UBE3A: variants seen among roughly 807,000 people sequenced by gnomAD.
UBE3A encodes ubiquitin protein ligase E3A.
In UBE3A, 6 loss-of-function variants were observed where a neutral mutation model predicts 83.4. The observed-to-expected ratio is 0.07, with a 90% CI of 0.04 to 0.14. The LOEUF is 0.14. Among genes scored for constraint, UBE3A ranks in the 10% least tolerant of loss-of-function variants. The pLI is 1.00. For missense variants in UBE3A, 456 were observed against 1,036.1 expected, an observed-to-expected ratio of 0.44 and a Z score of 7.69; for synonymous variants, 337 against 355.4, an observed-to-expected ratio of 0.95 and a Z score of 0.58.
intron 1 of UBE3A, among the ~76,000 whole-genome samples, chr15:25,428,232 C>T (rs1891991729): frequency 6.6e-6 from 1 of 152,040 alleles, no homozygotes; most frequent in South Asian, 2.1e-4. Flanking sequence ...AACCTCAATA[C>T]AAAATTTTAA....
intron 4 of UBE3A, among the ~76,000 whole-genome samples, chr15:25,378,128 C>T (rs1050186565): frequency 8.5e-5 from 13 of 152,178 alleles, no homozygotes; most frequent in African/African-American, 3.1e-4. Flanking sequence ...CCGAGATTTA[C>T]TAAATTGTCT....
At chr15:25,356,631 A>G (rs1363117479) in intron 8 of UBE3A, 60 bp downstream of exon 8, 1 of 1,512,472 alleles carries the variant, frequency 6.6e-7, no homozygotes, top group East Asian at 2.3e-5. Context: ...GACATAAATT[A>G]AATTTTTGCA....
Position 25,371,512 on chromosome 15 carries a change from A to C in UBE3A, c.662T>G (p.Leu221Trp). 15 of 1,614,112 alleles carry C rather than the reference A, an allele frequency of 9.3e-6. No individual in the cohort carries two copies. The highest frequency in any genetic ancestry group is 9.3e-6 in the Non-Finnish European group (11 of 1,180,016). Reference protein sequence around the residue: ...IGDSSQGDNNLQKLGPDDVSV... With the variant: ...IGDSSQGDNNWQKLGPDDVSV... Reference sequence around the variant, plus strand: ...CACATCATCAGGGCCTAATTTTTGCAAATTGTTGTCTCCCTGTGAGCTATC... The same window carrying C: ...CACATCATCAGGGCCTAATTTTTGCCAATTGTTGTCTCCCTGTGAGCTATC... The change falls in exon 6 of 13, where the codon TTG becomes TGG. Residue 221 changes from leucine (L) to tryptophan (W), a missense_variant. Leu to Trp is a moderately conservative substitution (Grantham distance 61). Coordinates refer to ENST00000648336, the MANE Select transcript of UBE3A (RefSeq NM_130839.5). The surrounding 1 kb of genome is among the most constrained non-coding windows in gnomAD (Gnocchi z 5.3).
intron 4 of UBE3A, among the ~76,000 whole-genome samples, chr15:25,400,977 ATACTT>A (rs1681059839): frequency 6.6e-6 from 1 of 152,200 alleles, no homozygotes; most frequent in South Asian, 2.1e-4. Flanking sequence ...CATTCCTTCT[ATACTT>A]AATTTTTTAA....
chr15:25,437,166 T>C (rs1435310761), intron 1 of UBE3A, among the ~76,000 whole-genome samples: 1 of 152,218 alleles, frequency 6.6e-6, no homozygotes, highest in Non-Finnish European at 1.5e-5. Flanking sequence ...TAATAATGTA[T>C]TCATTTCACT....
intron 1 of UBE3A, 125 bp from the exon 2 acceptor site, chr15:25,412,096 C>T (rs1386642067): frequency 1.3e-5 from 2 of 152,210 alleles, no homozygotes; most frequent in African/African-American, 2.4e-5. Flanking sequence ...CATCCAAAAA[C>T]GTATCAAGAA....
At chr15:25,368,925 G>C (rs910534969) in intron 6 of UBE3A, among the ~76,000 whole-genome samples, 1 of 152,130 alleles carries the variant, frequency 6.6e-6, no homozygotes, top group African/African-American at 2.4e-5. Flanking sequence ...GATTCTTACA[G>C]TGTAATTTCA....
At chr15:25,418,927 C>T (rs1224675570) in intron 1 of UBE3A, 1 of 152,124 alleles carries the variant, frequency 6.6e-6, no homozygotes, top group African/African-American at 2.4e-5. Context: ...AAGGATGCTT[C>T]GAATCCCTTA....
intron 4 of UBE3A, among the ~76,000 whole-genome samples, chr15:25,384,320 G>C (rs1246508789): frequency 1.3e-5 from 2 of 151,818 alleles, no homozygotes; most frequent in Non-Finnish European, 2.9e-5. Context: ...AATTAGCTGG[G>C]CTTGGTGGCG....
chr15:25,354,337 G>T lies in UBE3A; in HGVS notation c.2354+16C>A. On this transcript the variant is annotated intron_variant, in intron 11 of 12. Coordinates refer to ENST00000648336, the MANE Select transcript of UBE3A (RefSeq NM_130839.5). ...TTGGTGAATCAAATCTTCCTCTGAA[G>T]AACTAAGTACCTCACCTAATCAGAA... 12 of 1,611,168 alleles carry T rather than the reference G, an allele frequency of 7.4e-6. No individual in the cohort carries two copies. Among genetic ancestry groups the T allele is most frequent in the Non-Finnish European group, 1.0e-5 (12 of 1,178,670 alleles).
intron 4 of UBE3A, among the ~76,000 whole-genome samples, chr15:25,389,024 G>A (rs2083712153): frequency 6.6e-6 from 1 of 152,072 alleles, no homozygotes; most frequent in African/African-American, 2.4e-5. Context: ...AATATTGACA[G>A]AAAAAGTCAG....
chr15:25,379,189 T>C (rs1028370464), intron 4 of UBE3A, among the ~76,000 whole-genome samples: 1 of 152,184 alleles, frequency 6.6e-6, no homozygotes, highest in African/African-American at 2.4e-5. Context: ...TGTTAATATA[T>C]ATAAAGTGCT....
At chr15:25,426,225 G>T (rs1891271784) in intron 1 of UBE3A, among the ~76,000 whole-genome samples, 1 of 152,120 alleles carries the variant, frequency 6.6e-6, no homozygotes, top group Admixed American at 6.5e-5. Context: ...AAAATCTTTA[G>T]AAATACCAAA....
rs1266463408 is a variant in UBE3A at position 25,438,827 on chromosome 15, G to GT, written c.-504dup. The GT allele has an allele frequency of 2.6e-5, 4 of 153,028 alleles. No individual in the cohort carries two copies. Among genetic ancestry groups the GT allele is most frequent in the Non-Finnish European group, 4.4e-5 (3 of 68,672 alleles). 9.5% of individuals were successfully genotyped at this position (153,028 alleles called of 1,614,324 possible). ...CGCGCCGGGTCGGCAGAGGTGAAGC[G>GT]TAAGTAGGCGGCGGATGGCGGGCGC... is the stretch of plus-strand genomic sequence containing the variant. On this transcript the variant is annotated 5_prime_UTR_variant, in exon 1 of 13. Transcript: ENST00000648336.
At chr15:25,339,444 A>T in intron 12 of UBE3A, 187 bp from the exon 13 acceptor site, 1 of 617,724 alleles carries the variant, frequency 1.6e-6, no homozygotes, top group African/African-American at 1.9e-5. Flanking sequence ...AAATTACTCA[A>T]AGCTAGTGAC....
intron 3 of UBE3A, 103 bp downstream of exon 3, chr15:25,408,982 ATTC>A: frequency 8.2e-7 from 1 of 1,216,506 alleles, no homozygotes; most frequent in African/African-American, 1.5e-5. Context: ...CAGGCCCACT[ATTC>A]TTAGCAGTAT....
chr15:25,410,855 C>T (rs2089851405), intron 2 of UBE3A, among the ~76,000 whole-genome samples: 1 of 152,162 alleles, frequency 6.6e-6, no homozygotes, highest in Non-Finnish European at 1.5e-5. Context: ...GGAAACACCA[C>T]CTTCCCTAAA....
chr15:25,416,859 T>C (rs148506064), intron 1 of UBE3A, among the ~76,000 whole-genome samples: 2,087 of 152,192 alleles, frequency 0.014, 18 homozygotes, highest in Non-Finnish European at 0.022. Context: ...TGCTTGGATG[T>C]CTGCCTGGAG....
intron 11 of UBE3A, among the ~76,000 whole-genome samples, chr15:25,347,788 A>G (rs1293228823): frequency 3.9e-5 from 6 of 152,192 alleles, no homozygotes; most frequent in African/African-American, 7.2e-5. Flanking sequence ...TCAAGTAATC[A>G]TGGAAGGCAA....
Sources: gnomAD v4.1 joint callset for allele counts (sites outside exome capture counted in the v4.1 genomes callset) on GRCh38, gnomAD v4.1.1 for gene constraint, Gnocchi (gnomAD v3.1) non-coding constraint, MANE v1.5 for transcripts, NCBI Gene and HGNC (gene_info 2026-07-23, HGNC 2026-07-21) for gene names.